The following TJP2 variants were observed in gnomAD, a reference collection of about 807,000 sequenced individuals.
TJP2 encodes the protein tight junction protein 2, also known as Friedreich ataxia region gene X104 (tight junction protein ZO-2).
TJP2 carries 91 observed loss-of-function variants against 133.1 expected under a neutral mutation model. That is an observed-to-expected ratio of 0.68 (90% CI 0.58 to 0.81). The LOEUF is 0.81. TJP2 is among the 40% of genes least tolerant of loss of function. The pLI, the probability that TJP2 is intolerant of heterozygous loss-of-function variation, is 0.00. For synonymous variants in TJP2, 592 were observed against 583.4 expected, an observed-to-expected ratio of 1.01 and a Z score of -0.21; for missense variants, 1,541 against 1,565.6, an observed-to-expected ratio of 0.98 and a Z score of 0.26.
chr9:69,121,432 C>A, upstream of TJP2: 1 of 799,764 alleles, frequency 1.3e-6, no homozygotes, highest in East Asian at 1.3e-4. Context: ...CGCCCAACTC[C>A]CCCTGCCCCC....
At chr9:69,168,148 C>T (rs559870157) in intron 2 of TJP2, among the ~76,000 whole-genome samples, 4 of 152,234 alleles carry the variant, frequency 2.6e-5, no homozygotes, top group African/African-American at 7.2e-5. Flanking sequence ...TCTTCAGTTG[C>T]CCAAAAGATG....
chr9:69,225,510 C>T (rs1292188266), intron 6 of TJP2, 103 bp downstream of exon 6: 1 of 802,042 alleles, frequency 1.2e-6, no homozygotes, highest in African/African-American at 1.7e-5. Context: ...CAGTGAGAGT[C>T]AGTGGTAAGA....
In TJP2 at chr9:69,251,297, T is replaced by C. The variant is rs1350210122; in HGVS notation, c.3254T>C (p.Phe1085Ser). The C allele has an allele frequency of 1.9e-6, 3 of 1,614,044 alleles. No homozygotes were observed. In the African/African-American group the frequency reaches 4.0e-5, roughly 22 times the overall value. The change falls in exon 21 of 23, where the codon TTT (phenylalanine) becomes TCT (serine). Residue 1085 changes from phenylalanine to serine, a missense_variant. Coordinates refer to ENST00000377245, the MANE Select transcript of TJP2 (RefSeq NM_004817.4). ...TCAGTCCTGGGCAAAGTCAAAATAT[T>C]TGAGAAGATGGATCACAAGGCCAGG... Reference protein sequence around the residue: ...PKSVLGKVKIFEKMDHKARLQ... With the variant: ...PKSVLGKVKISEKMDHKARLQ...
chr9:69,151,563 A>T, intron 1 of TJP2: 1 of 1,218,374 alleles, frequency 8.2e-7, no homozygotes, highest in Non-Finnish European at 1.0e-6. Flanking sequence ...GGCAAATTGT[A>T]TGGTATGTGG....
chr9:69,161,732 A>G (rs967983601), intron 2 of TJP2, among the ~76,000 whole-genome samples: 3 of 150,214 alleles, frequency 2.0e-5, no homozygotes, highest in Non-Finnish European at 3.0e-5. Context: ...AATACTTTAT[A>G]TATAATTATA....
intron 2 of TJP2, among the ~76,000 whole-genome samples, chr9:69,160,149 T>C (rs545262689): frequency 2.1e-4 from 32 of 152,266 alleles, no homozygotes; most frequent in Admixed American, 1.7e-3. Flanking sequence ...CTTATGTGAT[T>C]TAGTGTTTAC....
At chr9:69,148,946 A>G (rs1823343871) in intron 1 of TJP2, among the ~76,000 whole-genome samples, 1 of 152,202 alleles carries the variant, frequency 6.6e-6, no homozygotes, top group South Asian at 2.1e-4. Context: ...ATACCCAAAT[A>G]CTAACCTAAA....
At chr9:69,193,361 G>T in intron 1 of TJP2, among the ~76,000 whole-genome samples, 1 of 151,922 alleles carries the variant, frequency 6.6e-6, no homozygotes, top group African/African-American at 2.4e-5. Flanking sequence ...CCAGGCAGTG[G>T]CCTTTGATGA....
rs796884495 is a variant in TJP2 at position 69,127,189 on chromosome 9, CCTCCTGAGTAGCTGGGA to C, written c.-131+5467_-131+5483del. Among the ~76,000 whole-genome samples the C allele has an allele frequency of 3.2e-3, 238 of 74,086 alleles. 84 individuals are homozygous for C. The highest frequency in any genetic ancestry group is 9.5e-3 in the African/African-American group (229 of 24,020). 48.6% of individuals were successfully genotyped at this position (74,086 alleles called of 152,430 possible). A position where few individuals can be genotyped will look rare whatever the true frequency, so the allele number is the denominator to read the frequency against. On this transcript the variant is annotated intron_variant, in intron 1 of 5. Coordinates refer to the TJP2 transcript ENST00000423935. The stretch of plus-strand genomic sequence containing the variant: ...GGTTCACGCCATTCTCCTGCCTCAG[CCTCCTGAGTAGCTGGGA>C]CTACAGGTGCCCGCCACCACGCCCG...
intron 2 of TJP2, among the ~76,000 whole-genome samples, chr9:69,215,513 T>C (rs1828298903): frequency 6.6e-6 from 1 of 151,956 alleles, no homozygotes; most frequent in Admixed American, 6.6e-5. Flanking sequence ...GCCTCCCAAG[T>C]ATCTGGGACT....
chr9:69,205,991 A>T (rs1013303917), intron 1 of TJP2, among the ~76,000 whole-genome samples: 10 of 152,094 alleles, frequency 6.6e-5, no homozygotes, highest in East Asian at 5.8e-4. Context: ...AAAAAGATTA[A>T]AAAAAAACAC....
chr9:69,239,900 A>G, intron 16 of TJP2, 37 bp from the exon 17 acceptor site: 1 of 1,486,310 alleles, frequency 6.7e-7, no homozygotes, highest in Non-Finnish European at 9.4e-7. Flanking sequence ...ATTACTTTAT[A>G]TATCCATTTC....
chr9:69,191,391 T>G (rs1232840666), intron 1 of TJP2, among the ~76,000 whole-genome samples: 1 of 152,224 alleles, frequency 6.6e-6, no homozygotes, highest in Admixed American at 6.5e-5. Context: ...TGTTTCTGAG[T>G]TGTTGACTAT....
chr9:69,153,926 C>A (rs1219767473), intron 2 of TJP2, among the ~76,000 whole-genome samples: 1 of 152,086 alleles, frequency 6.6e-6, no homozygotes, highest in Admixed American at 6.5e-5. Flanking sequence ...ATTTTTTTCC[C>A]AGGCATCTCA....
intron 1 of TJP2, among the ~76,000 whole-genome samples, chr9:69,137,955 C>T (rs1822849149): frequency 1.3e-5 from 2 of 152,158 alleles, no homozygotes; most frequent in Admixed American, 1.3e-4. Context: ...CTTTTCTGTT[C>T]TGTTCTTCCA....
chr9:69,248,151 A>C lies in TJP2; in HGVS notation c.2807A>C (p.Glu936Ala). ...GAAGGAGGCGCCTACACTGACAATG[A>C]GCTGGATGAGCCAGCCGAGGAGCCG... Reference protein sequence around the residue: ...DGEGGAYTDNELDEPAEEPLV... With the variant: ...DGEGGAYTDNALDEPAEEPLV... The change falls in exon 19 of 23, where the codon GAG becomes GCG. Residue 936 changes from glutamate (E) to alanine (A), a missense_variant. Glu to Ala is a moderately radical substitution (Grantham distance 107). Coordinates refer to ENST00000377245, the MANE Select transcript of TJP2 (RefSeq NM_004817.4). The C allele has an allele frequency of 1.2e-6, 2 of 1,613,964 alleles. No individual in the cohort carries two copies. The highest frequency in any genetic ancestry group is 1.7e-6 in the Non-Finnish European group (2 of 1,179,968).
chr9:69,169,966 G>T (rs769388875), upstream of TJP2, among the ~76,000 whole-genome samples: 11 of 151,310 alleles, frequency 7.3e-5, no homozygotes, highest in African/African-American at 2.7e-4. Flanking sequence ...CTCAGTCCTC[G>T]AGTAGCTGGG....
intron 19 of TJP2, chr9:69,248,998 A>G (rs1291840198): frequency 5.0e-6 from 5 of 994,382 alleles, no homozygotes; most frequent in Non-Finnish European, 6.0e-6. Flanking sequence ...AAAGTTCAAC[A>G]ACAACAAACT....
At chr9:69,161,695 T>G (rs1361039825) in intron 2 of TJP2, among the ~76,000 whole-genome samples, 1 of 151,452 alleles carries the variant, frequency 6.6e-6, no homozygotes, top group African/African-American at 2.4e-5. Context: ...GTGTCTATTA[T>G]TAACAATGTA....
Sources: gnomAD v4.1 joint callset for allele counts (sites outside exome capture counted in the v4.1 genomes callset) on GRCh38, gnomAD v4.1.1 for gene constraint, MANE v1.5 for transcripts, NCBI Gene and HGNC (gene_info 2026-07-23, HGNC 2026-07-21) for gene names.